COBLL1: variants seen among roughly 807,000 people sequenced by gnomAD.
COBLL1 encodes the protein cordon-bleu protein-like 1.
Under a neutral mutation model 94.8 loss-of-function variants are expected in COBLL1, and 50 were observed. The observed-to-expected ratio is 0.53, with a 90% CI of 0.42 to 0.67. The LOEUF is 0.67. COBLL1 is among the 30% of genes least tolerant of loss of function. The pLI is 0.00. For synonymous variants in COBLL1, 448 were observed against 473.8 expected, an observed-to-expected ratio of 0.95 and a Z score of 0.71; for missense variants, 1,362 against 1,348.7, an observed-to-expected ratio of 1.01 and a Z score of -0.15.
intron 11 of COBLL1, chr2:164,697,099 C>T (rs1398650891): frequency 6.6e-6 from 1 of 152,082 alleles, no homozygotes; most frequent in Admixed American, 6.6e-5. Context: ...AGAAAAATAT[C>T]ATGTTAGGTA....
chr2:164,739,616 A>G (rs777361262), intron 3 of COBLL1, among the ~76,000 whole-genome samples: 48 of 152,236 alleles, frequency 3.2e-4, no homozygotes, highest in Non-Finnish European at 6.5e-4. Context: ...CATGGTCTCA[A>G]AAAACTGCAT....
intron 2 of COBLL1, among the ~76,000 whole-genome samples, chr2:164,744,236 T>C (rs1686743766): frequency 6.6e-6 from 1 of 152,178 alleles, no homozygotes; most frequent in African/African-American, 2.4e-5. Context: ...TGTTTCAGGA[T>C]AGAGATCAGT....
chr2:164,789,943 T>A (rs1469703679), intron 2 of COBLL1, among the ~76,000 whole-genome samples: 2 of 152,368 alleles, frequency 1.3e-5, no homozygotes, highest in African/African-American at 4.8e-5. Flanking sequence ...GATTTTGGTC[T>A]GTTTGTTTTT....
In COBLL1 at chr2:164,694,463, G is replaced by C. The variant is rs1312482379; in HGVS notation, c.2929C>G (p.Pro977Ala). The C allele has an allele frequency of 6.2e-7, 1 of 1,613,766 alleles. No homozygotes were observed. Among genetic ancestry groups the C allele is most frequent in the African/African-American group, 1.3e-5 (1 of 74,874 alleles). ...NLKTLKTFGA[P>A]RPYSSSGPSP... ...GGACCAGAACTTGAGTATGGTCGTGGGGCACCAAAAGTTTTCAAAGTCTTC... is the reference window on the plus strand; with the variant it reads ...GGACCAGAACTTGAGTATGGTCGTGCGGCACCAAAAGTTTTCAAAGTCTTC... Residue 977 changes from proline to alanine, a missense_variant, in exon 12 of 14, where the codon CCA (proline) becomes GCA (alanine). Physicochemically the swap from Pro to Ala is conservative, Grantham distance 27. Coordinates refer to ENST00000652658, the MANE Select transcript of COBLL1 (RefSeq NM_001365672.2).
chr2:164,797,223 T>A (rs1342370523), intron 2 of COBLL1, among the ~76,000 whole-genome samples: 1 of 152,224 alleles, frequency 6.6e-6, no homozygotes, highest in African/African-American at 2.4e-5. Context: ...TAGGCAATGT[T>A]GGGCTTCCCT....
At chr2:164,813,916 T>G (rs977120558) in intron 2 of COBLL1, among the ~76,000 whole-genome samples, 5 of 152,182 alleles carry the variant, frequency 3.3e-5, no homozygotes, top group Non-Finnish European at 5.9e-5. Context: ...TAATTTACAT[T>G]TTATAAGCTA....
Position 164,670,388 on chromosome 2 carries a change from T to A in COBLL1, n.127-4487A>T, listed in dbSNP as rs73013637. On this transcript the variant is annotated intron_variant and non_coding_transcript_variant, in intron 1 of 2. Transcript: ENST00000495084. ...TCTATCTTTTATATGTATAAGAACA[T>A]ATTTCTCTGATAATAAGTTTTTTCA... is the stretch of plus-strand genomic sequence containing the variant. 5.5e-3 allele frequency among the ~76,000 whole-genome samples: 834 copies of A among 152,338 alleles called. 6 individuals carry two copies. Among genetic ancestry groups the A allele is most frequent in the African/African-American group, 0.019 (787 of 41,580 alleles).
intron 2 of COBLL1, among the ~76,000 whole-genome samples, chr2:164,820,100 C>G (rs1479100298): frequency 7.4e-6 from 1 of 134,636 alleles, no homozygotes; most frequent in East Asian, 2.2e-4. Flanking sequence ...TCCCAAAGTG[C>G]TGGGATTACA....
chr2:164,713,128 C>T (rs1558945141), intron 7 of COBLL1, among the ~76,000 whole-genome samples: 1 of 152,084 alleles, frequency 6.6e-6, no homozygotes, highest in Non-Finnish European at 1.5e-5. Context: ...ATGGCACTTC[C>T]TCCACACTCC....
chr2:164,721,771 G>T (rs1665054011), intron 7 of COBLL1: 1 of 176,144 alleles, frequency 5.7e-6, no homozygotes, highest in Admixed American at 6.1e-5. Flanking sequence ...AGAGCCCCTA[G>T]TTAGGCCTTA....
chr2:164,775,262 T>C (rs557342696), intron 2 of COBLL1, among the ~76,000 whole-genome samples: 1 of 152,190 alleles, frequency 6.6e-6, no homozygotes, highest in East Asian at 1.9e-4. Context: ...CTGTCCTATA[T>C]CTTCATTAAC....
intron 2 of COBLL1, among the ~76,000 whole-genome samples, chr2:164,781,658 A>C (rs977744780): frequency 2.0e-5 from 3 of 152,222 alleles, no homozygotes; most frequent in Admixed American, 1.3e-4. Context: ...GAACCTAGGC[A>C]GTCTGACTAT....
intron 5 of COBLL1, chr2:164,727,114 G>A (rs1171729788): frequency 6.7e-7 from 1 of 1,496,562 alleles, no homozygotes; most frequent in Non-Finnish European, 9.1e-7. Context: ...ACCTTGTAAA[G>A]ATGACTTACT....
At chr2:164,727,847 T>G in intron 5 of COBLL1, 122 bp downstream of exon 5, 1 of 510,786 alleles carries the variant, frequency 2.0e-6, no homozygotes, top group Non-Finnish European at 3.4e-6. Context: ...AGTAATTACT[T>G]TTATCTATAG....
At chr2:164,767,648 A>G (rs1157673133) in intron 2 of COBLL1, among the ~76,000 whole-genome samples, 1 of 152,178 alleles carries the variant, frequency 6.6e-6, no homozygotes, top group Non-Finnish European at 1.5e-5. Flanking sequence ...CATCTGCAAA[A>G]TAATTTACAT....
chr2:164,692,457 G>A, intron 12 of COBLL1, 60 bp from the exon 13 acceptor site: 1 of 1,379,986 alleles, frequency 7.2e-7, no homozygotes, highest in South Asian at 1.4e-5. Flanking sequence ...GCCATTTTTT[G>A]CAAAACATTT....
downstream of COBLL1, among the ~76,000 whole-genome samples, chr2:164,678,796 G>A (rs187452249): frequency 4.5e-4 from 68 of 152,192 alleles, 1 homozygote; most frequent in Middle Eastern, 3.4e-3. Context: ...TTTTATGACC[G>A]TGTTTTATGA....
chr2:164,714,539 A>C (rs1304093331), intron 7 of COBLL1, among the ~76,000 whole-genome samples: 1 of 152,134 alleles, frequency 6.6e-6, no homozygotes, highest in African/African-American at 2.4e-5. Flanking sequence ...AAGTTAACCG[A>C]GTTTAGGACC....
At chr2:164,725,101 G>GATATAGATATATATATATAT (rs1685647576) in intron 5 of COBLL1, 1 of 76,298 alleles carries the variant, frequency 1.3e-5, no homozygotes, top group African/African-American at 5.6e-5. Flanking sequence ...TACCCTGCAG[G>GATATAGATATATATATATAT]ATATATATAT....
Sources: gnomAD v4.1 joint callset for allele counts (sites outside exome capture counted in the v4.1 genomes callset) on GRCh38, gnomAD v4.1.1 for gene constraint, MANE v1.5 for transcripts, NCBI Gene and HGNC (gene_info 2026-07-23, HGNC 2026-07-21) for gene names.